Variants in SPOCK3 observed in about 807,000 individuals in gnomAD.
The protein encoded by SPOCK3 is SPARC (osteonectin), cwcv and kazal like domains proteoglycan 3.
Under a neutral mutation model 56.6 loss-of-function variants are expected in SPOCK3, and 30 were observed. The ratio of observed to expected loss-of-function variants is 0.53; its 90% CI spans 0.40 to 0.72. The LOEUF (loss-of-function observed/expected upper bound fraction) is 0.72, where lower values mean the gene tolerates loss of function less well. SPOCK3 is among the 30% of genes least tolerant of loss of function. SPOCK3 has a pLI of 0.00. For missense variants in SPOCK3, 527 were observed against 530.0 expected, an observed-to-expected ratio of 0.99 and a Z score of 0.06; for synonymous variants, 196 against 183.3, an observed-to-expected ratio of 1.07 and a Z score of -0.56.
At chr4:166,986,761 G>A (rs751435292) in intron 4 of SPOCK3, among the ~76,000 whole-genome samples, 48 of 151,858 alleles carry the variant, frequency 3.2e-4, no homozygotes, top group Non-Finnish European at 4.1e-4. Flanking sequence ...ATTTTACATC[G>A]CCATTTCAAC....
intron 2 of SPOCK3, among the ~76,000 whole-genome samples, chr4:167,114,883 T>C (rs1580340973): frequency 6.6e-6 from 1 of 151,434 alleles, no homozygotes; most frequent in Non-Finnish European, 1.5e-5. Context: ...CCAGCATTCA[T>C]GGAAAGTTAA....
intron 2 of SPOCK3, among the ~76,000 whole-genome samples, chr4:167,111,011 A>C (rs1192895449): frequency 6.6e-6 from 1 of 151,996 alleles, no homozygotes; most frequent in Non-Finnish European, 1.5e-5. Flanking sequence ...ATTTGATAAT[A>C]AGCTACTGGA....
At chr4:167,050,870 A>G (rs1040818280) in intron 3 of SPOCK3, among the ~76,000 whole-genome samples, 1 of 152,114 alleles carries the variant, frequency 6.6e-6, no homozygotes, top group African/African-American at 2.4e-5. Flanking sequence ...AGAAAGCACA[A>G]TTGGGGTTGC....
intron 6 of SPOCK3, among the ~76,000 whole-genome samples, chr4:166,871,245 A>G (rs72986035): frequency 0.016 from 2,391 of 152,240 alleles, 81 homozygotes; most frequent in African/African-American, 0.054. Flanking sequence ...CAATAAATCA[A>G]TAAATAAAAT....
intron 6 of SPOCK3, among the ~76,000 whole-genome samples, chr4:166,816,544 G>T (rs927296314): frequency 6.6e-6 from 1 of 151,590 alleles, no homozygotes; most frequent in African/African-American, 2.4e-5. Context: ...AATTTGTTTT[G>T]TTTTTTTTCC....
At chr4:167,119,429 A>G (rs1191106540) in intron 2 of SPOCK3, among the ~76,000 whole-genome samples, 1 of 152,160 alleles carries the variant, frequency 6.6e-6, no homozygotes, top group African/African-American at 2.4e-5. Flanking sequence ...TTATAAAGAA[A>G]TCTTTTGATG....
At chr4:166,956,922 C>A (rs1256910030) in intron 4 of SPOCK3, among the ~76,000 whole-genome samples, 1 of 152,114 alleles carries the variant, frequency 6.6e-6, no homozygotes, top group East Asian at 1.9e-4. Context: ...GAGCAGCATC[C>A]CAACTCTTCC....
At chr4:167,167,847 T>C (rs569709295) in intron 2 of SPOCK3, among the ~76,000 whole-genome samples, 1 of 152,292 alleles carries the variant, frequency 6.6e-6, no homozygotes, top group Non-Finnish European at 1.5e-5. Context: ...AGTAGTGATA[T>C]GGTTTGGCTG....
At chr4:167,233,889 A>C in intron 2 of SPOCK3, 96 bp downstream of exon 2, 1 of 1,086,094 alleles carries the variant, frequency 9.2e-7, no homozygotes, top group African/African-American at 1.6e-5. Context: ...TCTCCTCAGA[A>C]AACGGAGCCC....
rs190783074 is a variant in SPOCK3, at chr4:166,806,033, A to T, written c.590-13744T>A. 1.9e-3 allele frequency among the ~76,000 whole-genome samples: 288 copies of T among 152,220 alleles called. 1 individual carries two copies. Among genetic ancestry groups the T allele is most frequent in the African/African-American group, 6.8e-3 (281 of 41,568 alleles). ...TACACTGGATTCAAAGGTAATTAAGAGTTGTAGAAAAGTAATGTTATTTAA... is the reference window on the plus strand; with the variant it reads ...TACACTGGATTCAAAGGTAATTAAGTGTTGTAGAAAAGTAATGTTATTTAA... On this transcript the variant is annotated intron_variant, in intron 6 of 10. Transcript: ENST00000357545.
intron 2 of SPOCK3, among the ~76,000 whole-genome samples, chr4:167,197,617 A>T (rs982775849): frequency 6.6e-6 from 1 of 152,118 alleles, no homozygotes; most frequent in African/African-American, 2.4e-5. Flanking sequence ...CCAGAAAAAA[A>T]AAAAATCCCA....
At chr4:166,898,523 G>T (rs988688417) in intron 5 of SPOCK3, among the ~76,000 whole-genome samples, 1 of 152,142 alleles carries the variant, frequency 6.6e-6, no homozygotes, top group Non-Finnish European at 1.5e-5. Flanking sequence ...TCTGGGCAGG[G>T]TTTACACTAT....
rs187634487 is a variant in SPOCK3 at position 167,068,961 on chromosome 4, G to C, written c.190-6424C>G. ...CCTAACTTATAAACATGTTGATATA[G>C]GACATAGGAACCCAAAAATTTAATT... On this transcript the variant is annotated intron_variant, in intron 2 of 10. Transcript: ENST00000357545. Among the ~76,000 whole-genome samples, 37 of 151,938 alleles carry C rather than the reference G, an allele frequency of 2.4e-4. 1 individual carries two copies. In the East Asian group the frequency reaches 7.0e-3, roughly 29 times the overall value.
intron 4 of SPOCK3, among the ~76,000 whole-genome samples, chr4:166,965,395 T>G (rs1168826040): frequency 6.6e-6 from 1 of 151,454 alleles, no homozygotes; most frequent in Non-Finnish European, 1.5e-5. Flanking sequence ...TATTATTGTT[T>G]TTTTTTTTTT....
chr4:167,145,389 C>T (rs1478939071), intron 2 of SPOCK3, among the ~76,000 whole-genome samples: 2 of 152,012 alleles, frequency 1.3e-5, no homozygotes, highest in African/African-American at 4.8e-5. Context: ...AAGTTATAAA[C>T]ATGGGAAGCA....
At position 167,116,909 on chromosome 4, in the gene SPOCK3, G is replaced by GTATATATATATATATATATA. The variant is rs1446671235; in HGVS notation, c.190-54373_190-54372insTATATATATATATATATATA. Among the ~76,000 whole-genome samples the GTATATATATATATATATATA allele has an allele frequency of 5.2e-3, 635 of 123,234 alleles. 11 individuals carry two copies. The highest frequency in any genetic ancestry group is 8.0e-3 in the South Asian group (31 of 3,862). 80.8% of individuals were successfully genotyped at this position (123,234 alleles called of 152,430 possible). On this transcript the variant is annotated intron_variant, in intron 2 of 10. Coordinates refer to ENST00000357545, the MANE Select transcript of SPOCK3 (RefSeq NM_001040159.2). Reference sequence around the variant, plus strand: ...TATACATATATACTTTTGTGTGTGTGTGTGTATATATATATATATATATAC... The same window carrying GTATATATATATATATATATA: ...TATACATATATACTTTTGTGTGTGTGTATATATATATATATATATATGTGTATATATATATATATATATAC...
intron 7 of SPOCK3, among the ~76,000 whole-genome samples, chr4:166,770,359 T>C (rs995826153): frequency 1.3e-5 from 2 of 152,142 alleles, no homozygotes; most frequent in African/African-American, 2.4e-5. Context: ...TAAGAATGTA[T>C]GTGATTAGAT....
chr4:166,747,266 C>G (rs539254272), intron 8 of SPOCK3, among the ~76,000 whole-genome samples: 1 of 152,186 alleles, frequency 6.6e-6, no homozygotes, highest in African/African-American at 2.4e-5. Flanking sequence ...TCCAGCAGCA[C>G]ATCAAAGAGC....
chr4:167,205,247 TATTATATATATTTTATATCTATAA>T (rs1412569655), intron 2 of SPOCK3, among the ~76,000 whole-genome samples: 1 of 84,390 alleles, frequency 1.2e-5, no homozygotes, highest in Non-Finnish European at 2.1e-5. Flanking sequence ...ACATATTATA[TATTATATATATTTTATATCTATAA>T]TATATATTAT....
Sources: gnomAD v4.1 joint callset for allele counts (sites outside exome capture counted in the v4.1 genomes callset) on GRCh38, gnomAD v4.1.1 for gene constraint, MANE v1.5 for transcripts, NCBI Gene and HGNC (gene_info 2026-07-23, HGNC 2026-07-21) for gene names.